ANKS1B: variants seen among roughly 807,000 people sequenced by gnomAD.
The protein encoded by ANKS1B is ankyrin repeat and sterile alpha motif domain-containing protein 1B.
ANKS1B carries 36 observed loss-of-function variants against 148.3 expected under a neutral mutation model. The ratio of observed to expected loss-of-function variants is 0.24; its 90% CI spans 0.19 to 0.32. The LOEUF (loss-of-function observed/expected upper bound fraction) is 0.32, where lower values mean the gene tolerates loss of function less well. Ranked by LOEUF, ANKS1B falls within the 10% of genes least tolerant of loss-of-function variation. The pLI is 1.00. For synonymous variants in ANKS1B, 542 were observed against 560.8 expected, an observed-to-expected ratio of 0.97 and a Z score of 0.47; for missense variants, 1,157 against 1,542.6, an observed-to-expected ratio of 0.75 and a Z score of 4.19.
rs188607380 is a variant in ANKS1B at position 99,375,936 on chromosome 12, A to G, written c.1756+23695T>C. ...TGTTAGCAGTGAAAGATACTAAGAAAATGAAGAACTAGAACGTGGAATATT... is the reference window on the plus strand; with the variant it reads ...TGTTAGCAGTGAAAGATACTAAGAAGATGAAGAACTAGAACGTGGAATATT... On this transcript the variant is annotated intron_variant, in intron 12 of 26. Coordinates refer to ENST00000683438, the MANE Select transcript of ANKS1B (RefSeq NM_001352186.2). Among the ~76,000 whole-genome samples the G allele has an allele frequency of 1.8e-4, 27 of 152,352 alleles. No homozygotes were observed. The East Asian group carries it at 4.6e-3, about 26-fold the overall frequency.
intron 22 of ANKS1B, among the ~76,000 whole-genome samples, chr12:98,789,114 G>A (rs754831559): frequency 2.0e-5 from 3 of 152,172 alleles, no homozygotes; most frequent in Non-Finnish European, 2.9e-5. Context: ...AGGCCGAGAC[G>A]GGCAGATCAC....
At chr12:99,022,881 C>T (rs1473369894) in intron 17 of ANKS1B, among the ~76,000 whole-genome samples, 1 of 152,008 alleles carries the variant, frequency 6.6e-6, no homozygotes, top group Non-Finnish European at 1.5e-5. Flanking sequence ...CTTAATTAGG[C>T]TAAGAAATTT....
At chr12:99,141,180 T>C (rs372703476) in intron 15 of ANKS1B, among the ~76,000 whole-genome samples, 24 of 152,280 alleles carry the variant, frequency 1.6e-4, no homozygotes, top group African/African-American at 5.5e-4. Flanking sequence ...CAGTCTCTCC[T>C]GTTTTAAAAA....
At chr12:98,852,707 C>A (rs1009579111) in intron 17 of ANKS1B, among the ~76,000 whole-genome samples, 2 of 152,174 alleles carry the variant, frequency 1.3e-5, no homozygotes, top group African/African-American at 2.4e-5. Flanking sequence ...GCAGAGCCCA[C>A]ATTAAAAACA....
intron 4 of ANKS1B, among the ~76,000 whole-genome samples, chr12:99,790,077 C>A (rs915545383): frequency 1.3e-5 from 2 of 152,012 alleles, no homozygotes; most frequent in Non-Finnish European, 2.9e-5. Flanking sequence ...GAATCAAACT[C>A]CCAAAGGTCA....
intron 17 of ANKS1B, among the ~76,000 whole-genome samples, chr12:98,844,911 C>T (rs879604376): frequency 2.6e-5 from 4 of 152,142 alleles, no homozygotes; most frequent in Admixed American, 6.5e-5. Context: ...ATTCTCTCAA[C>T]GGGCTGAAAA....
chr12:99,501,790 T>C (rs1238449672), intron 10 of ANKS1B, among the ~76,000 whole-genome samples: 1 of 152,224 alleles, frequency 6.6e-6, no homozygotes, highest in Non-Finnish European at 1.5e-5. Context: ...AATGTGACTT[T>C]AGTGCAGCAT....
chr12:99,160,871 T>C (rs971687851), intron 14 of ANKS1B, among the ~76,000 whole-genome samples: 4 of 152,178 alleles, frequency 2.6e-5, no homozygotes, highest in Non-Finnish European at 5.9e-5. Context: ...TATATCTGGG[T>C]CCTCTATTCT....
chr12:99,102,843 T>G (rs1375810782), intron 15 of ANKS1B, among the ~76,000 whole-genome samples: 1 of 151,764 alleles, frequency 6.6e-6, no homozygotes, highest in African/African-American at 2.4e-5. Flanking sequence ...GAGGGAAAAT[T>G]TTTTGAGGTC....
chr12:99,350,551 A>C (rs1179560223), intron 12 of ANKS1B, among the ~76,000 whole-genome samples: 1 of 152,100 alleles, frequency 6.6e-6, no homozygotes. Flanking sequence ...GCTAAAAATT[A>C]GTAGTCCATA....
intron 24 of ANKS1B, among the ~76,000 whole-genome samples, chr12:98,775,674 A>G (rs947435336): frequency 6.6e-6 from 1 of 150,732 alleles, no homozygotes; most frequent in Non-Finnish European, 1.5e-5. Context: ...TTGGTCTCCA[A>G]CTCTTGGGCT....
At chr12:99,574,412 G>C (rs1320084163) in intron 9 of ANKS1B, among the ~76,000 whole-genome samples, 3 of 152,008 alleles carry the variant, frequency 2.0e-5, no homozygotes, top group Admixed American at 1.3e-4. Flanking sequence ...TACACAACAG[G>C]CTGCTATGGA....
intron 16 of ANKS1B, among the ~76,000 whole-genome samples, chr12:99,059,417 G>A (rs1049599732): frequency 1.3e-5 from 2 of 152,144 alleles, no homozygotes; most frequent in Non-Finnish European, 2.9e-5. Context: ...GGAGAGATTT[G>A]TATTTTGTAC....
At chr12:98,869,696 T>C (rs374087880) in intron 17 of ANKS1B, among the ~76,000 whole-genome samples, 3 of 151,882 alleles carry the variant, frequency 2.0e-5, no homozygotes, top group African/African-American at 7.3e-5. Flanking sequence ...TATGTATGTG[T>C]GTGTATGTGT....
At chr12:99,621,475 A>C (rs1369308058) in intron 9 of ANKS1B, among the ~76,000 whole-genome samples, 1 of 151,834 alleles carries the variant, frequency 6.6e-6, no homozygotes, top group African/African-American at 2.4e-5. Flanking sequence ...AAAAAAAAAA[A>C]AACAAGACCC....
intron 15 of ANKS1B, among the ~76,000 whole-genome samples, chr12:99,088,845 T>TTTG (rs1265580000): frequency 2.9e-5 from 4 of 136,188 alleles, no homozygotes; most frequent in East Asian, 2.1e-4. Context: ...TCTGTTTTTT[T>TTTG]TTTTTTTTTT....
chr12:99,445,732 C>G (rs1722081647), intron 10 of ANKS1B, among the ~76,000 whole-genome samples: 1 of 150,926 alleles, frequency 6.6e-6, no homozygotes, highest in African/African-American at 2.5e-5. Flanking sequence ...TTTTCCTTTT[C>G]TTTTTTGAGA....
chr12:98,887,320 A>C (rs1189184225), intron 17 of ANKS1B, among the ~76,000 whole-genome samples: 1 of 152,178 alleles, frequency 6.6e-6, no homozygotes, highest in Non-Finnish European at 1.5e-5. Context: ...TTTTATCTAC[A>C]CAGGTGATTT....
At chr12:99,241,452 C>T (rs998706081) in intron 14 of ANKS1B, among the ~76,000 whole-genome samples, 1 of 152,128 alleles carries the variant, frequency 6.6e-6, no homozygotes. Context: ...AATTCACAGC[C>T]GAGTTCTACC....
Sources: gnomAD v4.1 joint callset for allele counts (sites outside exome capture counted in the v4.1 genomes callset) on GRCh38, gnomAD v4.1.1 for gene constraint, MANE v1.5 for transcripts, NCBI Gene and HGNC (gene_info 2026-07-23, HGNC 2026-07-21) for gene names.